GALNTL6: variants seen among roughly 807,000 people sequenced by gnomAD.
The protein encoded by GALNTL6 is polypeptide N-acetylgalactosaminyltransferase-like 6.
A neutral mutation model predicts 73.7 loss-of-function variants in GALNTL6; 46 were observed. The ratio of observed to expected loss-of-function variants is 0.62; its 90% CI spans 0.49 to 0.80. The LOEUF (loss-of-function observed/expected upper bound fraction) is 0.80, where lower values mean the gene tolerates loss of function less well. GALNTL6 is among the 30% of genes least tolerant of loss of function. The pLI, the probability that GALNTL6 is intolerant of heterozygous loss-of-function variation, is 0.00. For synonymous variants in GALNTL6, 259 were observed against 263.7 expected, an observed-to-expected ratio of 0.98 and a Z score of 0.17; for missense variants, 604 against 755.0, an observed-to-expected ratio of 0.80 and a Z score of 2.34.
intron 4 of GALNTL6, among the ~76,000 whole-genome samples, chr4:172,347,067 G>A (rs982726759): frequency 7.2e-6 from 1 of 137,994 alleles, no homozygotes. Context: ...TCATCTCACT[G>A]CAATCTCTGC....
intron 2 of GALNTL6, among the ~76,000 whole-genome samples, chr4:172,085,701 A>T (rs889381310): frequency 9.9e-5 from 15 of 151,636 alleles, no homozygotes; most frequent in Non-Finnish European, 1.9e-4. Flanking sequence ...ATATAAATGT[A>T]TTTAAAAATC....
intron 3 of GALNTL6, among the ~76,000 whole-genome samples, chr4:172,276,608 C>T (rs141965333): frequency 3.9e-5 from 6 of 152,054 alleles, no homozygotes; most frequent in African/African-American, 4.8e-5. Flanking sequence ...AAAGAGGAAA[C>T]GAAAAGTTAC....
chr4:172,416,060 T>C (rs1281126833), intron 5 of GALNTL6, among the ~76,000 whole-genome samples: 1 of 152,156 alleles, frequency 6.6e-6, no homozygotes, highest in African/African-American at 2.4e-5. Context: ...CTTAGCCACA[T>C]TCACCCAGAT....
intron 2 of GALNTL6, among the ~76,000 whole-genome samples, chr4:171,897,754 C>T (rs1452202058): frequency 6.6e-6 from 1 of 151,416 alleles, no homozygotes; most frequent in Admixed American, 6.6e-5. Flanking sequence ...GGTGAAACCG[C>T]TTTTCTACTA....
rs1579092479 is a variant in GALNTL6 at position 172,460,923 on chromosome 4, T to A, written c.553+112234T>A. ...CTATAAAGATACGTACACGTGTATG[T>A]TTATTTCAGCACTATTCACAATAGC... On this transcript the variant is annotated intron_variant, in intron 5 of 12. Coordinates refer to ENST00000506823, the MANE Select transcript of GALNTL6 (RefSeq NM_001034845.3). 5.3e-5 allele frequency among the ~76,000 whole-genome samples: 8 copies of A among 152,340 alleles called. No individual in the cohort carries two copies. The South Asian group carries it at 1.7e-3, about 32-fold the overall frequency.
chr4:172,234,978 C>G (rs890699074), intron 3 of GALNTL6, among the ~76,000 whole-genome samples: 1 of 152,010 alleles, frequency 6.6e-6, no homozygotes, highest in Non-Finnish European at 1.5e-5. Flanking sequence ...TATGTAGTTA[C>G]AGTAGTAGTT....
chr4:172,871,434 A>T (rs1215704672), intron 7 of GALNTL6, among the ~76,000 whole-genome samples: 1 of 88,374 alleles, frequency 1.1e-5, no homozygotes. Context: ...GGCTCTTCAG[A>T]TATGGCTATA....
intron 5 of GALNTL6, among the ~76,000 whole-genome samples, chr4:172,706,275 T>C (rs1268991888): frequency 1.3e-5 from 2 of 152,102 alleles, no homozygotes; most frequent in African/African-American, 4.8e-5. Flanking sequence ...TTGACCATTG[T>C]ATTTCTAAGC....
intron 2 of GALNTL6, among the ~76,000 whole-genome samples, chr4:172,186,140 G>C (rs1735408243): frequency 6.6e-6 from 1 of 152,040 alleles, no homozygotes; most frequent in African/African-American, 2.4e-5. Context: ...ACTGAAAATT[G>C]GTACACTTCT....
intron 7 of GALNTL6, among the ~76,000 whole-genome samples, chr4:172,816,956 A>G (rs1174664074): frequency 6.6e-6 from 1 of 151,886 alleles, no homozygotes; most frequent in East Asian, 1.9e-4. Flanking sequence ...AAAATACAAC[A>G]ATTAGCCGGG....
In GALNTL6 at chr4:172,735,077, G is replaced by A. The variant is rs549943668; in HGVS notation, c.554-74284G>A. Reference sequence around the variant, plus strand: ...AGCACCCACACAGAGTCCCCACTGTGGCACTGCCTAGCGGAGCTATGAGAA... The same window carrying A: ...AGCACCCACACAGAGTCCCCACTGTAGCACTGCCTAGCGGAGCTATGAGAA... On this transcript the variant is annotated intron_variant, in intron 5 of 12. Transcript: ENST00000506823. 1.2e-4 allele frequency among the ~76,000 whole-genome samples: 19 copies of A among 152,270 alleles called. No individual in the cohort carries two copies. In the South Asian group the frequency reaches 1.5e-3, roughly 12 times the overall value.
At chr4:172,486,273 TGAA>T (rs1295299279) in intron 5 of GALNTL6, among the ~76,000 whole-genome samples, 5 of 152,154 alleles carry the variant, frequency 3.3e-5, no homozygotes, top group African/African-American at 1.2e-4. Context: ...CTGATTGATT[TGAA>T]GAAGATAGAA....
intron 2 of GALNTL6, among the ~76,000 whole-genome samples, chr4:171,875,268 A>G (rs186252827): frequency 6.6e-6 from 1 of 152,338 alleles, no homozygotes; most frequent in African/African-American, 2.4e-5. Flanking sequence ...TAAGGAAATA[A>G]GAGTAGACTC....
intron 2 of GALNTL6, among the ~76,000 whole-genome samples, chr4:171,948,450 A>G (rs114143506): frequency 5.9e-5 from 9 of 152,186 alleles, no homozygotes; most frequent in Admixed American, 2.0e-4. Flanking sequence ...TAAATTTGCC[A>G]CTAATGAAAC....
At chr4:172,171,892 G>A (rs1010015058) in intron 2 of GALNTL6, among the ~76,000 whole-genome samples, 1 of 152,156 alleles carries the variant, frequency 6.6e-6, no homozygotes. Flanking sequence ...TTCCTGCTCA[G>A]CCCCAAAAGT....
At chr4:173,036,957 A>G (rs1410416760) in intron 12 of GALNTL6, among the ~76,000 whole-genome samples, 6 of 152,250 alleles carry the variant, frequency 3.9e-5, no homozygotes, top group Non-Finnish European at 7.3e-5. Context: ...CAATTACTTG[A>G]TCCACTGACT....
At chr4:172,357,396 A>T (rs1742196401) in intron 5 of GALNTL6, among the ~76,000 whole-genome samples, 3 of 152,012 alleles carry the variant, frequency 2.0e-5, no homozygotes, top group Non-Finnish European at 4.4e-5. Flanking sequence ...GGCACATTTG[A>T]GATTTCACAG....
intron 5 of GALNTL6, among the ~76,000 whole-genome samples, chr4:172,653,519 C>T (rs1740596216): frequency 6.6e-6 from 1 of 152,132 alleles, no homozygotes; most frequent in South Asian, 2.1e-4. Context: ...CTGTGTCCGG[C>T]CTTATTCTTT....
intron 5 of GALNTL6, among the ~76,000 whole-genome samples, chr4:172,412,232 C>T (rs1302914620): frequency 3.9e-5 from 6 of 152,202 alleles, no homozygotes; most frequent in East Asian, 1.9e-4. Flanking sequence ...TTAATAGAGA[C>T]TGATTTGCCT....
Sources: allele counts gnomAD v4.1 joint callset (sites outside exome capture counted in the v4.1 genomes callset), GRCh38; gene constraint gnomAD v4.1.1; transcripts MANE v1.5; gene names NCBI Gene and HGNC (gene_info 2026-07-23, HGNC 2026-07-21).